The following OSCAR variants were observed in gnomAD, a reference collection of about 807,000 sequenced individuals.
OSCAR encodes osteoclast-associated immunoglobulin-like receptor.
OSCAR carries 25 observed loss-of-function variants against 27.3 expected under a neutral mutation model. The observed-to-expected ratio is 0.92, with a 90% CI of 0.67 to 1.28. The LOEUF (loss-of-function observed/expected upper bound fraction) is 1.28, where lower values mean the gene tolerates loss of function less well. Among genes scored for constraint, OSCAR ranks in the 50% most tolerant of loss-of-function variants. OSCAR has a pLI of 0.00. For missense variants in OSCAR, 354 were observed against 355.1 expected, an observed-to-expected ratio of 1.00 and a Z score of 0.03; for synonymous variants, 158 against 165.7, an observed-to-expected ratio of 0.95 and a Z score of 0.36.
intron 2 of OSCAR, among the ~76,000 whole-genome samples, chr19:54,098,899 T>A (rs587755769): frequency 2.0e-4 from 30 of 149,396 alleles, no homozygotes; most frequent in African/African-American, 6.6e-4. Flanking sequence ...GGCAGGAGAA[T>A]CCCTTGAACC....
intron 1 of OSCAR, among the ~76,000 whole-genome samples, chr19:54,100,293 A>G (rs2146312542): frequency 6.6e-6 from 1 of 152,330 alleles, no homozygotes; most frequent in South Asian, 2.1e-4. Context: ...GTCTGAACGC[A>G]GACCCCTCTG....
Position 54,096,897 on chromosome 19 carries a change from GACCAGAC to G in OSCAR, c.331_337del (p.Val111ProfsTer11). On this transcript the variant is annotated frameshift_variant, in exon 3 of 5. Coordinates refer to ENST00000358375, the MANE Select transcript of OSCAR (RefSeq NM_133169.6). LOFTEE classifies it high-confidence loss of function. Reference sequence around the variant, plus strand: ...CAGCTCCAGGACATCGCTGGGCTGGGACCAGACACCCGGCCCCCAGTCTGGCCTTCGG... The same window carrying G: ...CAGCTCCAGGACATCGCTGGGCTGGGACCCGGCCCCCAGTCTGGCCTTCGG... 6.2e-7 allele frequency: 1 copy of G among 1,614,002 alleles called. No homozygotes were observed.
At chr19:54,095,478 G>A in intron 4 of OSCAR, 121 bp from the exon 5 acceptor site, 1 of 1,451,942 alleles carries the variant, frequency 6.9e-7, no homozygotes, top group South Asian at 1.4e-5. Flanking sequence ...TCTCAAAGTT[G>A]AGGGGGAGTC....
At chr19:54,100,730 C>G (rs1600264609) in intron 1 of OSCAR, 26 bp downstream of exon 1, 1 of 1,550,812 alleles carries the variant, frequency 6.4e-7, no homozygotes, top group Non-Finnish European at 8.7e-7. Context: ...AGCCAGGAAC[C>G]CAGGGAGAAG....
chr19:54,094,933 C>T lies in OSCAR; in HGVS notation c.*288G>A, dbSNP rs2072545715. On this transcript the variant is annotated 3_prime_UTR_variant, in exon 5 of 5. Coordinates refer to ENST00000358375, the MANE Select transcript of OSCAR (RefSeq NM_133169.6). The stretch of plus-strand genomic sequence containing the variant: ...GTCCAGCTGGCTTCACGTCTCACTA[C>T]TACCTTTCTGTAGCTGCTACTACTA... The T allele has an allele frequency of 2.5e-6, 1 of 401,086 alleles. No individual in the cohort carries two copies. The highest frequency in any genetic ancestry group is 4.3e-6 in the Non-Finnish European group (1 of 230,758). The allele number at this position is 401,086 out of a possible 1,614,324, so 24.8% of individuals were successfully genotyped here.
intron 4 of OSCAR, chr19:54,095,609 G>T (rs1219972108): frequency 9.2e-7 from 1 of 1,086,922 alleles, no homozygotes; most frequent in African/African-American, 1.6e-5. Flanking sequence ...GGGGCCTGGA[G>T]TCCTGGGTCT....
In OSCAR at chr19:54,095,373, G is replaced by T. The variant is rs2072586114; in HGVS notation, c.656-16C>A. On this transcript the variant is annotated splice_polypyrimidine_tract_variant and intron_variant, in intron 4 of 4. Coordinates refer to ENST00000358375, the MANE Select transcript of OSCAR (RefSeq NM_133169.6). ...GAGCCAGAGTCTGCGGGCGGAGCCGGGAGAGAGGGGCCATCAGCTCCCGGA... is the reference window on the plus strand; with the variant it reads ...GAGCCAGAGTCTGCGGGCGGAGCCGTGAGAGAGGGGCCATCAGCTCCCGGA... 4 of 1,549,652 alleles carry T rather than the reference G, an allele frequency of 2.6e-6. No homozygotes were observed. The highest frequency in any genetic ancestry group is 3.5e-6 in the Non-Finnish European group (4 of 1,147,206).
At chr19:54,099,456 C>T in intron 2 of OSCAR, 1 of 921,854 alleles carries the variant, frequency 1.1e-6, no homozygotes, top group South Asian at 1.3e-5. Context: ...GCCCATTTTA[C>T]AGAGAAGGAA....
chr19:54,096,754 G>T (rs2072751468), intron 3 of OSCAR, 108 bp downstream of exon 3: 1 of 1,227,062 alleles, frequency 8.1e-7, no homozygotes, highest in Non-Finnish European at 1.1e-6. Flanking sequence ...TCTTGTGTCT[G>T]TGAATCTGTT....
chr19:54,100,429 G>A (rs977406441), intron 1 of OSCAR, among the ~76,000 whole-genome samples: 1 of 152,070 alleles, frequency 6.6e-6, no homozygotes, highest in African/African-American at 2.4e-5. Flanking sequence ...GGAGCTAAGA[G>A]CCCTGTTCCC....
At chr19:54,099,229 A>AT (rs1228940404) in intron 2 of OSCAR, among the ~76,000 whole-genome samples, 1,131 of 82,392 alleles carry the variant, frequency 0.014, 62 homozygotes, top group African/African-American at 0.042. Context: ...CACCCGGCTA[A>AT]TTTTTTTTTT....
chr19:54,096,705 G>GTC (rs1228629133), intron 3 of OSCAR, among the ~76,000 whole-genome samples, 157 bp downstream of exon 3: 2 of 140,590 alleles, frequency 1.4e-5, no homozygotes, highest in East Asian at 2.0e-4. Flanking sequence ...CTGCTCCCCT[G>GTC]TCTCTCTCTC....
Position 54,096,029 on chromosome 19 carries a change from C to T in OSCAR, c.498G>A (p.Val166=). ...NMSFVLYREG[V]AAPLQYRHSA... ...AGTGGCGGTACTGCAGCGGGGCCGC[C>T]ACGCCCTCGCGGTACAGCACGAAGC... is the stretch of plus-strand genomic sequence containing the variant. The change falls in exon 4 of 5, where the codon GTG becomes GTA. Residue 166 remains valine, a synonymous_variant. Coordinates refer to ENST00000358375, the MANE Select transcript of OSCAR (RefSeq NM_133169.6). 6.4e-7 allele frequency: 1 copy of T among 1,563,160 alleles called. No homozygotes were observed. The highest frequency in any genetic ancestry group is 8.6e-7 in the Non-Finnish European group (1 of 1,157,258).
At position 54,096,138 on chromosome 19, in the gene OSCAR, G is replaced by A; in HGVS notation, c.389C>T (p.Pro130Leu). Residue 130 changes from proline to leucine, a missense_variant, in exon 4 of 5, where the codon CCG becomes CTG. Pro to Leu is a moderately conservative substitution (Grantham distance 98). Transcript: ENST00000358375. ...CGGCCCGGGCAGCGCCACCAGCGAC[G>A]GCCGCGGCAGCTCCTCTGCAGAGAC... is the stretch of plus-strand genomic sequence containing the variant. ...ELLVTEELPR[P>L]SLVALPGPVV... 1 of 1,522,714 alleles carries A rather than the reference G, an allele frequency of 6.6e-7. No homozygotes were observed. The highest frequency in any genetic ancestry group is 8.8e-7 in the Non-Finnish European group (1 of 1,142,072). The allele number at this position is 1,522,714 out of a possible 1,614,324, so 94.3% of individuals were successfully genotyped here. A position where few individuals can be genotyped will look rare whatever the true frequency, so the allele number is the denominator to read the frequency against.
Position 54,096,197 on chromosome 19 carries a change from C to A in OSCAR, c.374-44G>T, listed in dbSNP as rs587620394. The A allele has an allele frequency of 1.7e-5, 24 of 1,407,556 alleles. No individual in the cohort carries two copies. The East Asian group carries it at 6.5e-4, about 38-fold the overall frequency. The allele number at this position is 1,407,556 out of a possible 1,614,324, so 87.2% of individuals were successfully genotyped here. ...AGTCCGGGGCCGCGTGAGCGTCTTC[C>A]GCTCGCTCGCTCGCTCTGTTTCTCC... On this transcript the variant is annotated intron_variant, in intron 3 of 4. Coordinates refer to ENST00000358375, the MANE Select transcript of OSCAR (RefSeq NM_133169.6).
chr19:54,095,454 A>G, intron 4 of OSCAR, 97 bp from the exon 5 acceptor site: 1 of 1,473,918 alleles, frequency 6.8e-7, no homozygotes, highest in Non-Finnish European at 9.0e-7. Context: ...GGACTTAGGG[A>G]CCTGACTCTA....
chr19:54,094,746 G>A lies in OSCAR; in HGVS notation c.*475C>T, dbSNP rs145958550. 5.8e-3 allele frequency: 896 copies of A among 153,474 alleles called. 8 individuals carry two copies. The highest frequency in any genetic ancestry group is 9.0e-3 in the Non-Finnish European group (623 of 68,910). 9.5% of individuals were successfully genotyped at this position (153,474 alleles called of 1,614,324 possible). ...TGGAAGCAGACTCTGGTGGGGTGCC[G>A]CGCTCGCCAGCTTTTATTCCCTTAT... is the stretch of plus-strand genomic sequence containing the variant. On this transcript the variant is annotated 3_prime_UTR_variant, in exon 5 of 5. Coordinates refer to ENST00000358375, the MANE Select transcript of OSCAR (RefSeq NM_133169.6).
intron 4 of OSCAR, 94 bp from the exon 5 acceptor site, chr19:54,095,451 G>A (rs959781154): frequency 1.3e-6 from 2 of 1,481,760 alleles, no homozygotes; most frequent in East Asian, 2.5e-5. Flanking sequence ...GGTGGACTTA[G>A]GGACCTGACT....
rs1290518162 is a variant in OSCAR, at chr19:54,099,686, A to C, written c.70+62T>G. ...GGATGGGATTGGGCACCAAAATAAAATCTGAGTAATTGGAAAAGGGGTGTC... is the reference window on the plus strand; with the variant it reads ...GGATGGGATTGGGCACCAAAATAAACTCTGAGTAATTGGAAAAGGGGTGTC... On this transcript the variant is annotated intron_variant, in intron 2 of 4. Coordinates refer to ENST00000358375, the MANE Select transcript of OSCAR (RefSeq NM_133169.6). 2.5e-6 allele frequency: 4 copies of C among 1,613,780 alleles called. No homozygotes were observed. In the Admixed American group the frequency reaches 6.7e-5, roughly 27 times the overall value.
Sources: gnomAD v4.1 joint callset for allele counts (sites outside exome capture counted in the v4.1 genomes callset) on GRCh38, gnomAD v4.1.1 for gene constraint, MANE v1.5 for transcripts, NCBI Gene and HGNC (gene_info 2026-07-23, HGNC 2026-07-21) for gene names.